Variants in CSNK1G2 observed in about 807,000 individuals in gnomAD.
CSNK1G2 encodes the protein casein kinase I isoform gamma-2.
In CSNK1G2, 11 loss-of-function variants were observed where a neutral mutation model predicts 48.0. That is an observed-to-expected ratio of 0.23 (90% confidence interval 0.14 to 0.38). The LOEUF (loss-of-function observed/expected upper bound fraction) is 0.38, where lower values mean the gene tolerates loss of function less well. Among genes scored for constraint, CSNK1G2 ranks in the 10% least tolerant of loss-of-function variants. CSNK1G2 has a pLI of 1.00. For synonymous variants in CSNK1G2, 337 were observed against 254.1 expected, an observed-to-expected ratio of 1.33 and a Z score of -3.10; for missense variants, 446 against 595.5, an observed-to-expected ratio of 0.75 and a Z score of 2.61.
intron 1 of CSNK1G2, among the ~76,000 whole-genome samples, chr19:1,962,662 C>G (rs985048559): frequency 6.6e-6 from 1 of 152,116 alleles, no homozygotes; most frequent in Non-Finnish European, 1.5e-5. Flanking sequence ...GACCCTGTCT[C>G]AAAACAAACA....
At position 1,978,825 on chromosome 19, in the gene CSNK1G2, G is replaced by A. The variant is rs759616174; in HGVS notation, c.448-34G>A. ...TGGAGGGGAGCGCGTGGGACGGGGA[G>A]GGGCCCGGCCGACACCGCCGTGCCC... On this transcript the variant is annotated intron_variant, in intron 5 of 11. Transcript: ENST00000255641. This position sits in a 1 kb window ranked among gnomAD's most constrained non-coding sequence, Gnocchi z 7.3. 6.3e-7 allele frequency: 1 copy of A among 1,592,616 alleles called. No individual in the cohort carries two copies. Among genetic ancestry groups the A allele is most frequent in the South Asian group, 1.1e-5 (1 of 89,674 alleles).
rs550496323 is a variant in CSNK1G2 at position 1,975,436 on chromosome 19, C to T, written c.188-2869C>T. On this transcript the variant is annotated intron_variant, in intron 2 of 11. Transcript: ENST00000255641. ...TACACAGCCGTGTTCGCCGGAACTCCGCTCTGGAGAGTCAGAACTGGAGAC... is the reference window on the plus strand; with the variant it reads ...TACACAGCCGTGTTCGCCGGAACTCTGCTCTGGAGAGTCAGAACTGGAGAC... The T allele has an allele frequency of 3.8e-5, 37 of 985,464 alleles. No individual in the cohort carries two copies. The East Asian group carries it at 1.8e-3, about 48-fold the overall frequency. 61.0% of individuals were successfully genotyped at this position (985,464 alleles called of 1,614,324 possible). A position where few individuals can be genotyped will look rare whatever the true frequency, so the allele number is the denominator to read the frequency against.
At chr19:1,975,597 G>C in intron 2 of CSNK1G2, 2 of 985,424 alleles carry the variant, frequency 2.0e-6, no homozygotes, top group Non-Finnish European at 2.4e-6. Context: ...GGGCGGGGAA[G>C]GGGGGATGAA....
At chr19:1,964,184 T>C (rs570840116) in intron 1 of CSNK1G2, among the ~76,000 whole-genome samples, 1 of 151,992 alleles carries the variant, frequency 6.6e-6, no homozygotes, top group East Asian at 1.9e-4. Context: ...TTCCAGCTAC[T>C]CTGGAGGCTG....
chr19:1,952,808 C>T (rs553716688), intron 1 of CSNK1G2: 16 of 327,820 alleles, frequency 4.9e-5, no homozygotes, highest in Admixed American at 3.6e-4. Flanking sequence ...CAAGCCCTCT[C>T]GCCTAGGGCT....
In CSNK1G2 at chr19:1,978,929, TG is replaced by T; in HGVS notation, c.521del (p.Gly174AlafsTer39). 1 of 1,602,146 alleles carries T rather than the reference TG, an allele frequency of 6.2e-7. No homozygotes were observed. ...GACGTGAAGCCCGAGAACTTCCTGG[TG>T]GGCCGCCCGGGGACCAAGCGGCAGC... The part of the protein sequence containing the change: ...YRDVKPENFL[V>X]GRPGTKRQHA... On this transcript the variant is annotated frameshift_variant, in exon 6 of 12. Coordinates refer to ENST00000255641, the MANE Select transcript of CSNK1G2 (RefSeq NM_001319.7). LOFTEE classifies it high-confidence loss of function. This position sits in a 1 kb window ranked among gnomAD's most constrained non-coding sequence, Gnocchi z 7.3.
At chr19:1,972,914 G>A (rs1407213893) in intron 2 of CSNK1G2, among the ~76,000 whole-genome samples, 4 of 149,238 alleles carry the variant, frequency 2.7e-5, no homozygotes, top group African/African-American at 5.0e-5. Context: ...GTGAGTTACC[G>A]CGCCTCGCCT....
At position 1,959,698 on chromosome 19, in the gene CSNK1G2, T is replaced by C. The variant is rs191029312; in HGVS notation, c.-265-9810T>C. On this transcript the variant is annotated intron_variant, in intron 1 of 11. Coordinates refer to ENST00000255641, the MANE Select transcript of CSNK1G2 (RefSeq NM_001319.7). The stretch of plus-strand genomic sequence containing the variant: ...GCCACCGTGGGTCCCCCAGCACCCG[T>C]CCCACCTTTAGTGCCACCCTGAGTC... Among the ~76,000 whole-genome samples the C allele has an allele frequency of 2.2e-3, 88 of 39,250 alleles. 1 individual carries two copies. Among genetic ancestry groups the C allele is most frequent in the African/African-American group, 6.3e-3 (19 of 3,010 alleles). 25.7% of individuals were successfully genotyped at this position (39,250 alleles called of 152,430 possible).
chr19:1,941,279 G>A lies in CSNK1G2; in HGVS notation c.-405G>A, dbSNP rs1677369821. ...GCGGAGGCCGGCCCAGGCGGCGCGG[G>A]AGCCGGAGCGGGGGCCCAAGCGGCA... On this transcript the variant is annotated 5_prime_UTR_variant, in exon 1 of 12. Coordinates refer to ENST00000255641, the MANE Select transcript of CSNK1G2 (RefSeq NM_001319.7). The A allele has an allele frequency of 4.7e-5, 4 of 84,512 alleles. No individual in the cohort carries two copies. The highest frequency in any genetic ancestry group is 3.7e-4 in the Admixed American group (3 of 8,114). The allele number at this position is 84,512 out of a possible 1,614,324, so 5.2% of individuals were successfully genotyped here. A position where few individuals can be genotyped will look rare whatever the true frequency, so the allele number is the denominator to read the frequency against.
intron 1 of CSNK1G2, among the ~76,000 whole-genome samples, chr19:1,941,656 G>A (rs2014366544): frequency 7.6e-6 from 1 of 130,770 alleles, no homozygotes; most frequent in African/African-American, 2.9e-5. Context: ...CGGGACCCCA[G>A]CGTCCCCCAC....
Position 1,979,360 on chromosome 19 carries a change from C to T in CSNK1G2, c.810C>T (p.Thr270=), listed in dbSNP as rs1170850545. ...LKERYQKIGD[T]KRATPIEVLC... ...AGCGGTACCAGAAGATCGGGGACAC[C>T]AAACGCGCCACGCCCATCGAGGTGC... The change falls in exon 8 of 12, where the codon ACC becomes ACT. Residue 270 remains threonine (T), a synonymous_variant. Coordinates refer to ENST00000255641, the MANE Select transcript of CSNK1G2 (RefSeq NM_001319.7). 2 of 1,605,478 alleles carry T rather than the reference C, an allele frequency of 1.2e-6. No individual in the cohort carries two copies. Among genetic ancestry groups the T allele is most frequent in the Non-Finnish European group, 1.7e-6 (2 of 1,177,176 alleles).
At chr19:1,975,888 T>C in intron 2 of CSNK1G2, 1 of 688,996 alleles carries the variant, frequency 1.5e-6, no homozygotes, top group Non-Finnish European at 1.8e-6. Flanking sequence ...ATACAAAAAT[T>C]AGCCAGGTTG....
At chr19:1,955,159 G>A (rs1176452251) in intron 1 of CSNK1G2, among the ~76,000 whole-genome samples, 5 of 152,152 alleles carry the variant, frequency 3.3e-5, no homozygotes, top group African/African-American at 1.2e-4. Context: ...CCGCCTCCAG[G>A]GAGTGATCTG....
intron 2 of CSNK1G2, among the ~76,000 whole-genome samples, chr19:1,977,731 C>CTGG (rs1409824698): frequency 7.7e-6 from 1 of 129,526 alleles, no homozygotes; most frequent in Non-Finnish European, 1.6e-5. Context: ...CCAGACTGGG[C>CTGG]AACAGAGCGA....
intron 1 of CSNK1G2, among the ~76,000 whole-genome samples, chr19:1,943,974 A>G (rs878439): frequency 0.42 from 63,219 of 151,966 alleles, 15,940 homozygotes; most frequent in Non-Finnish European, 0.57. Flanking sequence ...CTCGGGTGGC[A>G]GTGGGCAGGC....
In CSNK1G2 at chr19:1,941,219, A is replaced by AGCGCGGCGAGCCCGGCGCC. The variant is rs929070378; in HGVS notation, c.-464_-446dup. 2 of 145,678 alleles carry AGCGCGGCGAGCCCGGCGCC rather than the reference A, an allele frequency of 1.4e-5. No individual in the cohort carries two copies. Among genetic ancestry groups the AGCGCGGCGAGCCCGGCGCC allele is most frequent in the African/African-American group, 2.5e-5 (1 of 40,560 alleles). 9.0% of individuals were successfully genotyped at this position (145,678 alleles called of 1,614,324 possible). ...GCGGGCCCCGGAGCGGGCGCGGCGG[A>AGCGCGGCGAGCCCGGCGCC]GCGCGGCGAGCCCGGCGCCTCCCGT... is the stretch of plus-strand genomic sequence containing the variant. On this transcript the variant is annotated 5_prime_UTR_variant, in exon 1 of 12. Transcript: ENST00000255641.
chr19:1,980,620 G>C lies in CSNK1G2; in HGVS notation c.*417G>C, dbSNP rs368395918. 3.5e-5 allele frequency: 8 copies of C among 231,462 alleles called. No individual in the cohort carries two copies. The highest frequency in any genetic ancestry group is 1.7e-3 in the Middle Eastern group (1 of 578). The allele number at this position is 231,462 out of a possible 1,614,324, so 14.3% of individuals were successfully genotyped here. On this transcript the variant is annotated 3_prime_UTR_variant, in exon 12 of 12. Coordinates refer to ENST00000255641, the MANE Select transcript of CSNK1G2 (RefSeq NM_001319.7). The stretch of plus-strand genomic sequence containing the variant: ...TCATAAAGTCCAGCTTGTCTCCCTC[G>C]ATCCAAAGGCCGTTTTCTCGAGGGG...
intron 2 of CSNK1G2, among the ~76,000 whole-genome samples, chr19:1,972,651 T>A (rs962462995): frequency 6.6e-6 from 1 of 152,212 alleles, no homozygotes; most frequent in Admixed American, 6.5e-5. Context: ...AGATGGAGTT[T>A]CACTCTTGTT....
intron 1 of CSNK1G2, among the ~76,000 whole-genome samples, chr19:1,965,121 C>T (rs111624346): frequency 0.012 from 1,757 of 149,644 alleles, 33 homozygotes; most frequent in African/African-American, 0.041. Flanking sequence ...TCCGGCCGGG[C>T]GCGGTGGCTC....
Sources: allele counts gnomAD v4.1 joint callset (sites outside exome capture counted in the v4.1 genomes callset), GRCh38; gene constraint gnomAD v4.1.1; non-coding constraint Gnocchi (gnomAD v3.1); transcripts MANE v1.5; gene names NCBI Gene and HGNC (gene_info 2026-07-23, HGNC 2026-07-21).